NRG1: variants seen among roughly 807,000 people sequenced by gnomAD.
NRG1 encodes pro-neuregulin-1, membrane-bound isoform.
A neutral mutation model predicts 63.8 loss-of-function variants in NRG1; 18 were observed. The ratio of observed to expected loss-of-function variants is 0.28; its 90% confidence interval spans 0.19 to 0.42. The LOEUF (loss-of-function observed/expected upper bound fraction) is 0.42. Ranked by LOEUF, NRG1 falls within the 10% of genes least tolerant of loss-of-function variation. The pLI is 1.00. For missense variants in NRG1, 762 were observed against 814.7 expected (o/e 0.94, Z 0.79); for synonymous variants, 302 against 301.3 (o/e 1.00, Z -0.02).
chr8:32,076,980 C>G (rs1826666313), intron 1 of NRG1, among the ~76,000 whole-genome samples: 1 of 152,206 alleles, frequency 6.6e-6, no homozygotes, highest in African/African-American at 2.4e-5. Context: ...TAAGATTAAT[C>G]TACAACCCAG....
chr8:32,568,888 A>C (rs1837972663), intron 1 of NRG1, among the ~76,000 whole-genome samples: 1 of 152,212 alleles, frequency 6.6e-6, no homozygotes, highest in South Asian at 2.1e-4. Context: ...AAATAAAACA[A>C]ACAAACAAAG....
intron 1 of NRG1, among the ~76,000 whole-genome samples, chr8:31,691,335 C>T (rs906154160): frequency 2.6e-5 from 4 of 152,004 alleles, no homozygotes; most frequent in African/African-American, 7.2e-5. Context: ...AGGCCGGGCG[C>T]GGTGGCTCAC....
Position 32,162,026 on chromosome 8 carries a change from G to T in NRG1, c.38-433802G>T, listed in dbSNP as rs552270027. On this transcript the variant is annotated intron_variant, in intron 1 of 10. Transcript: ENST00000519301. ...TCTAGGCAATGTCTGTGATGAGATT[G>T]GTTCAAAAAATGTACCAGTAAAAAT... Among the ~76,000 whole-genome samples the T allele has an allele frequency of 4.6e-5, 7 of 152,154 alleles. No homozygotes were observed. In the South Asian group the frequency reaches 1.2e-3, roughly 27 times the overall value.
In NRG1 at chr8:32,742,125, A is replaced by G. The variant is rs376221780; in HGVS notation, c.633-550A>G. 9.0e-5 allele frequency: 128 copies of G among 1,418,946 alleles called. No homozygotes were observed. Among genetic ancestry groups the G allele is most frequent in the Non-Finnish European group, 1.2e-4 (119 of 1,002,956 alleles). 87.9% of individuals were successfully genotyped at this position (1,418,946 alleles called of 1,614,324 possible). A position where few individuals can be genotyped will look rare whatever the true frequency, so the allele number is the denominator to read the frequency against. On this transcript the variant is annotated intron_variant, in intron 6 of 11. Coordinates refer to ENST00000356819, the Ensembl canonical transcript of NRG1. The surrounding 1 kb of genome is among the most constrained non-coding windows in gnomAD (Gnocchi z 4.2). ...GCTTTCTCCCCCAACTACAGCAACA[A>G]TCACTACCACTTGGTGCTTTTACAG...
chr8:31,685,821 G>T (rs552752600), intron 1 of NRG1, among the ~76,000 whole-genome samples: 11 of 152,188 alleles, frequency 7.2e-5, no homozygotes, highest in African/African-American at 2.6e-4. Context: ...CCATGTTGTA[G>T]TGTGTGTGTG....
chr8:32,544,465 C>T (rs1832863640), upstream of NRG1, among the ~76,000 whole-genome samples: 2 of 139,656 alleles, frequency 1.4e-5, no homozygotes, highest in Non-Finnish European at 1.5e-5. Flanking sequence ...TCTCTACTGC[C>T]TAGCTTATTA....
intron 5 of NRG1, among the ~76,000 whole-genome samples, chr8:32,654,717 A>G (rs1264437975): frequency 2.9e-5 from 3 of 103,824 alleles, no homozygotes; most frequent in Admixed American, 2.0e-4. Flanking sequence ...AATATAATAT[A>G]TGAGAAAATG....
At chr8:32,314,181 T>C (rs1247705509) in intron 1 of NRG1, among the ~76,000 whole-genome samples, 1 of 83,220 alleles carries the variant, frequency 1.2e-5, no homozygotes, top group Non-Finnish European at 2.4e-5. Context: ...GTAGACTAGC[T>C]GTTAAGTGGA....
chr8:32,539,450 T>C (rs943530740), intron 1 of NRG1, among the ~76,000 whole-genome samples: 41 of 152,176 alleles, frequency 2.7e-4, no homozygotes, highest in African/African-American at 9.2e-4. Flanking sequence ...CACTGTAGAA[T>C]TGGGGGCACC....
chr8:32,307,621 GTGTGTGTT>G, intron 1 of NRG1, among the ~76,000 whole-genome samples: 1 of 129,128 alleles, frequency 7.7e-6, no homozygotes, highest in Non-Finnish European at 1.8e-5. Flanking sequence ...GTGTGTGTGT[GTGTGTGTT>G]TGTGTGTTTA....
At chr8:32,007,382 T>C (rs1813949190) in intron 1 of NRG1, among the ~76,000 whole-genome samples, 1 of 152,070 alleles carries the variant, frequency 6.6e-6, no homozygotes, top group Non-Finnish European at 1.5e-5. Flanking sequence ...CTAATTCTGC[T>C]CAGAATCCTC....
At position 32,124,696 on chromosome 8, in the gene NRG1, C is replaced by T. The variant is rs1201598267; in HGVS notation, c.38-471132C>T. Among the ~76,000 whole-genome samples the T allele has an allele frequency of 2.6e-5, 4 of 151,946 alleles. No homozygotes were observed. In the South Asian group the frequency reaches 8.3e-4, roughly 31 times the overall value. On this transcript the variant is annotated intron_variant, in intron 1 of 10. Coordinates refer to the NRG1 transcript ENST00000519301. ...TTTTGCCCCTATTTTCAATGTCCCC[C>T]ATCCTATTAGCTTTTCCTTTCCAGT...
At chr8:32,501,035 T>G (rs2129496673) in intron 1 of NRG1, among the ~76,000 whole-genome samples, 1 of 152,338 alleles carries the variant, frequency 6.6e-6, no homozygotes, top group South Asian at 2.1e-4. Flanking sequence ...CTGCCAAGGT[T>G]TTGTTCATGA....
intron 11 of NRG1, chr8:32,760,658 G>T (rs1589644700): frequency 2.3e-6 from 3 of 1,286,712 alleles, no homozygotes; most frequent in Non-Finnish European, 9.9e-7. Context: ...GATGCGGAAG[G>T]TGCAGCACAT....
chr8:32,326,633 A>G (rs1015340460), intron 1 of NRG1, among the ~76,000 whole-genome samples: 2 of 152,048 alleles, frequency 1.3e-5, no homozygotes, highest in Non-Finnish European at 2.9e-5. Flanking sequence ...GCAGCCAGCC[A>G]TCACATTTTT....
At chr8:32,210,107 G>T (rs1844538337) in intron 1 of NRG1, among the ~76,000 whole-genome samples, 1 of 152,164 alleles carries the variant, frequency 6.6e-6, no homozygotes, top group Non-Finnish European at 1.5e-5. Context: ...AATTATTGAT[G>T]AAGCCAGAAT....
At chr8:32,610,342 T>C (rs921515032) in intron 3 of NRG1, among the ~76,000 whole-genome samples, 1 of 152,110 alleles carries the variant, frequency 6.6e-6, no homozygotes, top group African/African-American at 2.4e-5. Context: ...CTAAGAGAGA[T>C]GGGGAGGTTG....
At chr8:32,440,119 G>T (rs1431996715) in intron 1 of NRG1, among the ~76,000 whole-genome samples, 9 of 152,074 alleles carry the variant, frequency 5.9e-5, no homozygotes. Flanking sequence ...GAGAGAGAGA[G>T]AGTGAGAGGG....
At chr8:32,016,294 C>T (rs187117857) in intron 1 of NRG1, among the ~76,000 whole-genome samples, 1 of 152,002 alleles carries the variant, frequency 6.6e-6, no homozygotes, top group Admixed American at 6.6e-5. Flanking sequence ...AATTCCTCAC[C>T]TCAAGCAACC....
Sources: gnomAD v4.1 joint callset for allele counts (sites outside exome capture counted in the v4.1 genomes callset) on GRCh38, gnomAD v4.1.1 for gene constraint, Gnocchi (gnomAD v3.1) non-coding constraint, MANE v1.5 for transcripts, NCBI Gene and HGNC (gene_info 2026-07-23, HGNC 2026-07-21) for gene names.